PTPRN2: variants seen among roughly 807,000 people sequenced by gnomAD.
The protein encoded by PTPRN2 is protein tyrosine phosphatase receptor type N2, also known as receptor-type tyrosine-protein phosphatase N2.
In PTPRN2, 74 loss-of-function variants were observed where a neutral mutation model predicts 118.8. The observed-to-expected ratio is 0.62, with a 90% CI of 0.52 to 0.76. The LOEUF (loss-of-function observed/expected upper bound fraction) is 0.76. Ranked by LOEUF, PTPRN2 falls within the 30% of genes least tolerant of loss-of-function variation. The pLI is 0.00. For synonymous variants in PTPRN2, 641 were observed against 608.0 expected, an observed-to-expected ratio of 1.05 and a Z score of -0.80; for missense variants, 1,481 against 1,394.4, an observed-to-expected ratio of 1.06 and a Z score of -0.99.
At chr7:157,666,916 G>A (rs576820824) in intron 13 of PTPRN2, among the ~76,000 whole-genome samples, 1 of 152,112 alleles carries the variant, frequency 6.6e-6, no homozygotes, top group Non-Finnish European at 1.5e-5. Flanking sequence ...TGCACACTCA[G>A]CCTGTGGGAC....
chr7:157,751,648 T>C (rs1801475108), intron 12 of PTPRN2, among the ~76,000 whole-genome samples: 1 of 151,622 alleles, frequency 6.6e-6, no homozygotes, highest in South Asian at 2.1e-4. Context: ...CAAATGACTG[T>C]TTAATTGAGG....
intron 2 of PTPRN2, among the ~76,000 whole-genome samples, chr7:158,371,712 T>C (rs770892848): frequency 1.3e-5 from 2 of 152,194 alleles, no homozygotes; most frequent in Non-Finnish European, 2.9e-5. Flanking sequence ...ATGATTCATA[T>C]GCGGAAAACC....
chr7:158,079,952 C>T (rs1812669818), intron 11 of PTPRN2, among the ~76,000 whole-genome samples: 1 of 152,168 alleles, frequency 6.6e-6, no homozygotes, highest in Non-Finnish European at 1.5e-5. Context: ...GGACTCAAGT[C>T]TCCACAAACC....
At chr7:158,396,214 C>T (rs977952937) in intron 2 of PTPRN2, among the ~76,000 whole-genome samples, 2 of 152,192 alleles carry the variant, frequency 1.3e-5, no homozygotes, top group African/African-American at 4.8e-5. Flanking sequence ...GTTTTCTCAC[C>T]GTCATTGTCA....
intron 15 of PTPRN2, among the ~76,000 whole-genome samples, chr7:157,613,437 G>A (rs941562398): frequency 1.3e-5 from 2 of 152,190 alleles, no homozygotes; most frequent in Non-Finnish European, 2.9e-5. Flanking sequence ...AGCGTGTTGC[G>A]CCTCCCGCGG....
chr7:157,851,098 C>G (rs1347641359), intron 12 of PTPRN2, among the ~76,000 whole-genome samples: 2 of 152,190 alleles, frequency 1.3e-5, no homozygotes, highest in Non-Finnish European at 2.9e-5. Context: ...ACTCACCCAG[C>G]CTCCAGCCGC....
At chr7:158,112,507 G>C (rs895549628) in intron 9 of PTPRN2, among the ~76,000 whole-genome samples, 4 of 152,192 alleles carry the variant, frequency 2.6e-5, no homozygotes, top group Non-Finnish European at 5.9e-5. Flanking sequence ...GTCCGGTGGG[G>C]AGCCTGGGGA....
intron 2 of PTPRN2, among the ~76,000 whole-genome samples, chr7:158,370,118 A>T (rs2151314639): frequency 6.6e-6 from 1 of 152,286 alleles, no homozygotes. Flanking sequence ...CTGACTGGGG[A>T]TTTGGCATAA....
chr7:158,362,865 A>G (rs1809111266), intron 2 of PTPRN2, among the ~76,000 whole-genome samples: 1 of 152,056 alleles, frequency 6.6e-6, no homozygotes, highest in Non-Finnish European at 1.5e-5. Flanking sequence ...CCAAAGCCCC[A>G]GATGGGACTG....
chr7:157,839,944 G>A lies in PTPRN2; in HGVS notation c.1788+58729C>T, dbSNP rs531412282. 6.9e-3 allele frequency among the ~76,000 whole-genome samples: 1,043 copies of A among 151,594 alleles called. 5 individuals are homozygous for A. Among genetic ancestry groups the A allele is most frequent in the Middle Eastern group, 0.01 (3 of 292 alleles). The stretch of plus-strand genomic sequence containing the variant: ...TGACTGTGTGACTGTGTGTGACTGC[G>A]TGTGACTGTGTGGCCACGTGTGACT... On this transcript the variant is annotated intron_variant, in intron 12 of 22. Transcript: ENST00000389418.
At chr7:158,199,169 C>A (rs1256032817) in intron 4 of PTPRN2, among the ~76,000 whole-genome samples, 1 of 152,058 alleles carries the variant, frequency 6.6e-6, no homozygotes, top group Non-Finnish European at 1.5e-5. Context: ...TCAGGTCCTC[C>A]TTAGTCCTTA....
chr7:157,719,096 G>T (rs1799095150), intron 12 of PTPRN2, among the ~76,000 whole-genome samples: 1 of 152,150 alleles, frequency 6.6e-6, no homozygotes, highest in Non-Finnish European at 1.5e-5. Flanking sequence ...TCCAACACCT[G>T]CTCAGGCCTG....
chr7:158,085,824 TGCCCATCCACACCCATGAC>T (rs1813350104), intron 10 of PTPRN2, among the ~76,000 whole-genome samples: 2 of 52,200 alleles, frequency 3.8e-5, no homozygotes, highest in Admixed American at 2.3e-4. Context: ...ACACCCACGA[TGCCCATCCACACCCATGAC>T]GCCCATCCAC....
chr7:158,542,298 A>G (rs887476081), intron 1 of PTPRN2, among the ~76,000 whole-genome samples: 1 of 152,166 alleles, frequency 6.6e-6, no homozygotes, highest in African/African-American at 2.4e-5. Flanking sequence ...TTACAGGCGC[A>G]CGCCACCATG....
intron 1 of PTPRN2, among the ~76,000 whole-genome samples, chr7:158,541,053 G>T (rs750831461): frequency 6.6e-6 from 1 of 152,202 alleles, no homozygotes; most frequent in African/African-American, 2.4e-5. Context: ...GGCTGCACAG[G>T]TGCTAATTGG....
At chr7:158,183,189 A>G (rs896875192) in intron 5 of PTPRN2, among the ~76,000 whole-genome samples, 2 of 152,206 alleles carry the variant, frequency 1.3e-5, no homozygotes, top group African/African-American at 4.8e-5. Context: ...TTTATGTGTT[A>G]GGTGACTATG....
intron 11 of PTPRN2, among the ~76,000 whole-genome samples, chr7:157,988,874 T>A (rs1181593509): frequency 2.6e-5 from 4 of 152,230 alleles, no homozygotes; most frequent in Non-Finnish European, 5.9e-5. Context: ...CCTTCTCACA[T>A]CTGTGTCTAA....
intron 3 of PTPRN2, among the ~76,000 whole-genome samples, chr7:158,259,979 T>G (rs1342391544): frequency 6.6e-6 from 1 of 150,854 alleles, no homozygotes; most frequent in Non-Finnish European, 1.5e-5. Context: ...TCCCTTTGTG[T>G]ACACATATGT....
At chr7:158,533,058 C>T (rs1428334645) in intron 1 of PTPRN2, among the ~76,000 whole-genome samples, 1 of 152,224 alleles carries the variant, frequency 6.6e-6, no homozygotes, top group Non-Finnish European at 1.5e-5. Flanking sequence ...GCTCCCAAGC[C>T]ATTCCAAGAG....
Sources: gnomAD v4.1 joint callset for allele counts (sites outside exome capture counted in the v4.1 genomes callset) on GRCh38, gnomAD v4.1.1 for gene constraint, MANE v1.5 for transcripts, NCBI Gene and HGNC (gene_info 2026-07-23, HGNC 2026-07-21) for gene names.